The following MAPRE1 variants were observed in gnomAD, a reference collection of about 807,000 sequenced individuals.
MAPRE1 encodes microtubule-associated protein RP/EB family member 1.
Under a neutral mutation model 32.1 loss-of-function variants are expected in MAPRE1, and 5 were observed. The ratio of observed to expected loss-of-function variants is 0.16; its 90% CI spans 0.08 to 0.33. The LOEUF is 0.33. Among genes scored for constraint, MAPRE1 ranks in the 10% least tolerant of loss-of-function variants. The pLI is 1.00. For synonymous variants in MAPRE1, 122 were observed against 118.9 expected, an observed-to-expected ratio of 1.03 and a Z score of -0.17; for missense variants, 209 against 327.2, an observed-to-expected ratio of 0.64 and a Z score of 2.79.
chr20:32,847,814 T>G (rs242537), intron 6 of MAPRE1, among the ~76,000 whole-genome samples: 151,530 of 152,296 alleles, frequency 0.99, 75,386 homozygotes, highest in East Asian at 1. Flanking sequence ...GAATGCCCTG[T>G]AGTGAGAATG....
Position 32,826,373 on chromosome 20 carries a change from C to G in MAPRE1, c.121+325C>G, listed in dbSNP as rs923126027. 5.3e-5 allele frequency among the ~76,000 whole-genome samples: 8 copies of G among 151,712 alleles called. No homozygotes were observed. In the East Asian group the frequency reaches 1.6e-3, roughly 30 times the overall value. The stretch of plus-strand genomic sequence containing the variant: ...CTGGGACTACAGGCGCCTGCCACCA[C>G]GCCTGGCTAATTTTTTTGTATTTTT... On this transcript the variant is annotated intron_variant, in intron 2 of 6. Transcript: ENST00000375571.
chr20:32,841,433 T>TG (rs1983358059), intron 5 of MAPRE1, among the ~76,000 whole-genome samples: 1 of 151,846 alleles, frequency 6.6e-6, no homozygotes, highest in Non-Finnish European at 1.5e-5. Flanking sequence ...TTCTGCAGTG[T>TG]GGCTGCTCTC....
intron 5 of MAPRE1, among the ~76,000 whole-genome samples, chr20:32,841,858 A>G (rs1235659482): frequency 6.6e-6 from 1 of 152,052 alleles, no homozygotes; most frequent in Non-Finnish European, 1.5e-5. Context: ...AGATTATATG[A>G]GCTGAATGTT....
At chr20:32,828,103 CAGT>C (rs1414664917) in intron 2 of MAPRE1, among the ~76,000 whole-genome samples, 2 of 152,064 alleles carry the variant, frequency 1.3e-5, no homozygotes, top group Non-Finnish European at 2.9e-5. Context: ...TACAGTAACA[CAGT>C]GGTGCCCAAG....
intron 1 of MAPRE1, among the ~76,000 whole-genome samples, chr20:32,824,428 C>T (rs1440024526): frequency 6.6e-6 from 1 of 152,238 alleles, no homozygotes; most frequent in African/African-American, 2.4e-5. Context: ...TGCCTGCCAA[C>T]CCCAGGGCCT....
chr20:32,824,217 G>A (rs1467357081), intron 1 of MAPRE1, among the ~76,000 whole-genome samples: 3 of 152,234 alleles, frequency 2.0e-5, no homozygotes, highest in Non-Finnish European at 4.4e-5. Context: ...CTGGTCCCTA[G>A]AACAGTGCCT....
chr20:32,836,854 C>T lies in MAPRE1; in HGVS notation c.475+13C>T. Reference sequence around the variant, plus strand: ...TCTAGCAGTGCAGGTAAAAAAACAACCCCAAAACGTTTCCAAAAAATAGCG... The same window carrying T: ...TCTAGCAGTGCAGGTAAAAAAACAATCCCAAAACGTTTCCAAAAAATAGCG... On this transcript the variant is annotated intron_variant, in intron 4 of 6. Coordinates refer to ENST00000375571, the MANE Select transcript of MAPRE1 (RefSeq NM_012325.3). 1.3e-6 allele frequency: 2 copies of T among 1,573,228 alleles called. No individual in the cohort carries two copies. The highest frequency in any genetic ancestry group is 1.7e-6 in the Non-Finnish European group (2 of 1,166,894).
chr20:32,846,610 T>C lies in MAPRE1; in HGVS notation c.598-8T>C. ...CAAGCATCTCACCCTTTTTAATGTCTTGTGCAGGTCAACGTATTGAAACTT... is the reference window on the plus strand; with the variant it reads ...CAAGCATCTCACCCTTTTTAATGTCCTGTGCAGGTCAACGTATTGAAACTT... On this transcript the variant is annotated splice_polypyrimidine_tract_variant and splice_region_variant and intron_variant, in intron 5 of 6. Coordinates refer to ENST00000375571, the MANE Select transcript of MAPRE1 (RefSeq NM_012325.3). 1 of 1,613,830 alleles carries C rather than the reference T, an allele frequency of 6.2e-7. No individual in the cohort carries two copies. The highest frequency in any genetic ancestry group is 8.5e-7 in the Non-Finnish European group (1 of 1,179,758).
rs1185146689 is a variant in MAPRE1 at position 32,846,788 on chromosome 20, G to A, written c.750+18G>A. Reference sequence around the variant, plus strand: ...CCACAGATGTATGTGTTTGACATGAGGATATTTTCTTTCCATTTTACATAG... The same window carrying A: ...CCACAGATGTATGTGTTTGACATGAAGATATTTTCTTTCCATTTTACATAG... On this transcript the variant is annotated intron_variant, in intron 6 of 6. Transcript: ENST00000375571. 2 of 1,612,774 alleles carry A rather than the reference G, an allele frequency of 1.2e-6. No homozygotes were observed. Among genetic ancestry groups the A allele is most frequent in the African/African-American group, 2.7e-5 (2 of 74,874 alleles).
chr20:32,828,465 ATC>A (rs1327010124), intron 2 of MAPRE1, among the ~76,000 whole-genome samples: 4 of 152,230 alleles, frequency 2.6e-5, no homozygotes, highest in African/African-American at 7.2e-5. Flanking sequence ...CTCTAGGTTT[ATC>A]TCATTCAGGC....
At chr20:32,820,600 C>G (rs1262002004) in intron 1 of MAPRE1, among the ~76,000 whole-genome samples, 1 of 152,202 alleles carries the variant, frequency 6.6e-6, no homozygotes, top group Admixed American at 6.5e-5. Flanking sequence ...CTTGGACTCC[C>G]TCCTTTCTTC....
chr20:32,826,107 G>A, intron 2 of MAPRE1, 59 bp downstream of exon 2: 1 of 1,511,234 alleles, frequency 6.6e-7, no homozygotes. Context: ...TCAGGAATGT[G>A]AAGGCCTGTA....
intron 3 of MAPRE1, among the ~76,000 whole-genome samples, chr20:32,836,308 A>G (rs1461744850): frequency 3.3e-5 from 5 of 152,010 alleles, no homozygotes; most frequent in African/African-American, 7.3e-5. Flanking sequence ...TAGCGGACCT[A>G]CTCTTTATAG....
In MAPRE1 at chr20:32,846,308, T is replaced by C. The variant is rs559287280; in HGVS notation, c.598-310T>C. Among the ~76,000 whole-genome samples the C allele has an allele frequency of 7.9e-5, 12 of 152,354 alleles. No homozygotes were observed. In the South Asian group the frequency reaches 8.3e-4, roughly 11 times the overall value. On this transcript the variant is annotated intron_variant, in intron 5 of 6. Coordinates refer to ENST00000375571, the MANE Select transcript of MAPRE1 (RefSeq NM_012325.3). ...AAGGACTCAGTTTATGATTGTCAGCTACCTTGCTAGGCTGTAATTGTCTCA... is the reference window on the plus strand; with the variant it reads ...AAGGACTCAGTTTATGATTGTCAGCCACCTTGCTAGGCTGTAATTGTCTCA...
intron 5 of MAPRE1, among the ~76,000 whole-genome samples, chr20:32,840,955 A>G (rs1347066763): frequency 2.0e-5 from 3 of 152,028 alleles, no homozygotes; most frequent in Non-Finnish European, 4.4e-5. Flanking sequence ...AGCTGGGACT[A>G]CAGTCGTGCG....
chr20:32,820,217 C>T (rs984196533), intron 1 of MAPRE1, among the ~76,000 whole-genome samples, 189 bp downstream of exon 1: 2 of 137,934 alleles, frequency 1.4e-5, no homozygotes, highest in Non-Finnish European at 3.0e-5. Flanking sequence ...GCGCGCGCTG[C>T]GCTCTGCTCA....
At position 32,848,160 on chromosome 20, in the gene MAPRE1, G is replaced by C. The variant is rs545901718; in HGVS notation, c.751-512G>C. On this transcript the variant is annotated intron_variant, in intron 6 of 6. Transcript: ENST00000375571. ...CTCCTGGGTCAAGCAGTCCTGCCTC[G>C]ACCCCGCTGGGGAGTAGCTGGGACT... Among the ~76,000 whole-genome samples the C allele has an allele frequency of 1.2e-4, 18 of 151,578 alleles. No homozygotes were observed. In the South Asian group the frequency reaches 2.3e-3, roughly 19 times the overall value.
At chr20:32,842,035 G>A (rs943913879) in intron 5 of MAPRE1, among the ~76,000 whole-genome samples, 2 of 151,490 alleles carry the variant, frequency 1.3e-5, no homozygotes, top group Non-Finnish European at 2.9e-5. Flanking sequence ...AATAATATGC[G>A]TAAATGGTCA....
Position 32,848,687 on chromosome 20 carries a change from C to T in MAPRE1, c.766C>T (p.Pro256Ser), listed in dbSNP as rs780296338. The T allele has an allele frequency of 2.5e-6, 4 of 1,613,002 alleles. No individual in the cohort carries two copies. The highest frequency in any genetic ancestry group is 3.4e-6 in the Non-Finnish European group (4 of 1,179,512). ...CCTATTTCAGGAAGGCTTTGTGATA[C>T]CTGATGAAGGGGGCCCACAGGAGGA... ...LYATDEGFVI[P>S]DEGGPQEEQE... Residue 256 changes from proline (P) to serine (S), a missense_variant, in exon 7 of 7, where the codon CCT (proline) becomes TCT (serine). Transcript: ENST00000375571.
Sources: gnomAD v4.1 joint callset for allele counts (sites outside exome capture counted in the v4.1 genomes callset) on GRCh38, gnomAD v4.1.1 for gene constraint, MANE v1.5 for transcripts, NCBI Gene and HGNC (gene_info 2026-07-23, HGNC 2026-07-21) for gene names.